Variants in CNTN4 observed in about 807,000 individuals in gnomAD.
The protein encoded by CNTN4 is contactin-4.
A neutral mutation model predicts 122.5 loss-of-function variants in CNTN4; 77 were observed. The observed-to-expected ratio is 0.63, with a 90% confidence interval of 0.52 to 0.76. CNTN4 has a LOEUF of 0.76. Among genes scored for constraint, CNTN4 ranks in the 30% least tolerant of loss-of-function variants. The probability of loss-of-function intolerance (pLI) is 0.00; values close to 1 mark genes in which losing one functional copy is unlikely to be tolerated. For synonymous variants in CNTN4, 512 were observed against 447.0 expected, an observed-to-expected ratio of 1.15 and a Z score of -1.83; for missense variants, 1,256 against 1,259.1, an observed-to-expected ratio of 1.00 and a Z score of 0.04.
intron 6 of CNTN4, among the ~76,000 whole-genome samples, chr3:2,749,435 C>A (rs1183575175): frequency 6.6e-6 from 1 of 151,240 alleles, no homozygotes; most frequent in Non-Finnish European, 1.5e-5. Flanking sequence ...AGCCTCCCAA[C>A]AAGGTGAGAT....
chr3:2,375,973 A>G (rs1010009458), intron 3 of CNTN4, among the ~76,000 whole-genome samples: 1 of 152,040 alleles, frequency 6.6e-6, no homozygotes, highest in African/African-American at 2.4e-5. Flanking sequence ...TTAATGGTTG[A>G]TATATTTTTC....
intron 4 of CNTN4, among the ~76,000 whole-genome samples, chr3:2,620,491 C>A (rs1465502652): frequency 1.5e-5 from 2 of 136,238 alleles, no homozygotes; most frequent in African/African-American, 5.3e-5. Flanking sequence ...CAGAGGGAGA[C>A]CCTGTATCCA....
At chr3:2,406,163 C>G (rs1449902588) in intron 3 of CNTN4, among the ~76,000 whole-genome samples, 1 of 152,042 alleles carries the variant, frequency 6.6e-6, no homozygotes, top group Non-Finnish European at 1.5e-5. Context: ...TATATCCTCC[C>G]AAAATTTATT....
rs184091059 is a variant in CNTN4 at position 2,662,539 on chromosome 3, A to G, written c.56-73676A>G. On this transcript the variant is annotated intron_variant, in intron 4 of 24. Coordinates refer to ENST00000418658, the MANE Select transcript of CNTN4 (RefSeq NM_175607.3). ...ACCTGTGGTCCAATGGTTCATTCAT[A>G]TAACTACAACTAACTGCGAGAGAGG... 2.6e-5 allele frequency among the ~76,000 whole-genome samples: 4 copies of G among 152,306 alleles called. No homozygotes were observed. In the East Asian group the frequency reaches 5.8e-4, roughly 22 times the overall value.
chr3:2,400,428 C>CATATATATATATATATATATACATATAT (rs2046808450), intron 3 of CNTN4, among the ~76,000 whole-genome samples: 1 of 95,822 alleles, frequency 1.0e-5, no homozygotes, highest in Non-Finnish European at 2.2e-5. Context: ...TATATATATA[C>CATATATATATATATATATATACATATAT]ATATATATAT....
chr3:2,900,865 G>C, intron 11 of CNTN4, 44 bp downstream of exon 11: 1 of 1,609,006 alleles, frequency 6.2e-7, no homozygotes, highest in South Asian at 1.1e-5. Context: ...TGACTATAAC[G>C]TTTAATATAG....
At chr3:3,007,629 C>T (rs1696787210) in intron 14 of CNTN4, among the ~76,000 whole-genome samples, 2 of 152,130 alleles carry the variant, frequency 1.3e-5, no homozygotes, top group South Asian at 4.1e-4. Context: ...AAAATGTATG[C>T]TTGTTTTCTG....
intron 4 of CNTN4, among the ~76,000 whole-genome samples, chr3:2,625,184 G>T (rs2082136164): frequency 6.6e-6 from 1 of 152,074 alleles, no homozygotes; most frequent in African/African-American, 2.4e-5. Flanking sequence ...GTAACCCACT[G>T]CCATCTTCAT....
intron 2 of CNTN4, among the ~76,000 whole-genome samples, chr3:2,189,998 C>A (rs955432880): frequency 6.6e-6 from 1 of 152,116 alleles, no homozygotes; most frequent in South Asian, 2.1e-4. Context: ...TGATGATGAA[C>A]AAGTGCTGTG....
intron 2 of CNTN4, among the ~76,000 whole-genome samples, chr3:2,104,174 T>G (rs1166045204): frequency 1.3e-5 from 2 of 152,100 alleles, no homozygotes; most frequent in African/African-American, 2.4e-5. Flanking sequence ...TTTTGCTTTT[T>G]TTTCTGAACT....
rs1489904132 is a variant in CNTN4, at chr3:2,916,695, C to T, written c.1208-8934C>T. On this transcript the variant is annotated intron_variant, in intron 12 of 24. Transcript: ENST00000418658. ...CAAAACCGCCATCGTCATCATGGCC[C>T]GTTCTCAATGAGCTGTTGGGTACAC... Among the ~76,000 whole-genome samples, 7 of 137,464 alleles carry T rather than the reference C, an allele frequency of 5.1e-5. 1 individual carries two copies. In the East Asian group the frequency reaches 1.5e-3, roughly 29 times the overall value. 90.2% of individuals were successfully genotyped at this position (137,464 alleles called of 152,430 possible). A position where few individuals can be genotyped will look rare whatever the true frequency, so the allele number is the denominator to read the frequency against.
chr3:3,054,013 T>A (rs1701536639), intron 24 of CNTN4, 38 bp downstream of exon 24: 1 of 1,602,570 alleles, frequency 6.2e-7, no homozygotes, highest in Non-Finnish European at 8.5e-7. Context: ...CTCCTGCCTG[T>A]CTTATCTTAT....
chr3:2,123,265 A>G (rs1203036015), intron 2 of CNTN4, among the ~76,000 whole-genome samples: 1 of 152,236 alleles, frequency 6.6e-6, no homozygotes, highest in African/African-American at 2.4e-5. Flanking sequence ...ATTTAAGTTC[A>G]AAACGGCTGA....
chr3:2,102,258 G>A lies in CNTN4; in HGVS notation c.-145+1619G>A, dbSNP rs566295345. On this transcript the variant is annotated intron_variant, in intron 2 of 24. Transcript: ENST00000418658. ...GGCTGGAAAGTTCATAAACCTTGAA[G>A]CAGATTAACCTGAATCTAAGTCTGG... Among the ~76,000 whole-genome samples the A allele has an allele frequency of 9.2e-5, 14 of 152,304 alleles. No individual in the cohort carries two copies. In the South Asian group the frequency reaches 2.9e-3, roughly 32 times the overall value.
At chr3:2,314,474 G>A (rs567013163) in intron 2 of CNTN4, among the ~76,000 whole-genome samples, 13 of 152,026 alleles carry the variant, frequency 8.6e-5, no homozygotes, top group African/African-American at 1.2e-4. Context: ...CGGTGAAGCT[G>A]TATAAATGTG....
At chr3:2,136,000 T>G (rs2034674892) in intron 2 of CNTN4, among the ~76,000 whole-genome samples, 1 of 152,154 alleles carries the variant, frequency 6.6e-6, no homozygotes, top group Admixed American at 6.5e-5. Flanking sequence ...GTTGTAGGGT[T>G]GGGTTTGTGA....
chr3:2,147,806 A>C (rs1456838522), intron 2 of CNTN4, among the ~76,000 whole-genome samples: 1 of 152,164 alleles, frequency 6.6e-6, no homozygotes, highest in South Asian at 2.1e-4. Flanking sequence ...TGATCAGACA[A>C]GATGGCCTGT....
chr3:3,012,743 C>T (rs1412992343), intron 14 of CNTN4, among the ~76,000 whole-genome samples: 2 of 152,208 alleles, frequency 1.3e-5, no homozygotes, highest in Non-Finnish European at 2.9e-5. Context: ...CGGAGGCGGG[C>T]AGATCACCTG....
At chr3:2,644,073 C>T (rs2083011881) in intron 4 of CNTN4, among the ~76,000 whole-genome samples, 2 of 152,172 alleles carry the variant, frequency 1.3e-5, no homozygotes, top group South Asian at 4.1e-4. Context: ...ATTCCATTTA[C>T]TACTGCCTAA....
Sources: gnomAD v4.1 joint callset for allele counts (sites outside exome capture counted in the v4.1 genomes callset) on GRCh38, gnomAD v4.1.1 for gene constraint, MANE v1.5 for transcripts, NCBI Gene and HGNC (gene_info 2026-07-23, HGNC 2026-07-21) for gene names.